VPS13B: variants seen among roughly 807,000 people sequenced by gnomAD.
The protein encoded by VPS13B is vacuolar protein sorting 13 homolog B.
A neutral mutation model predicts 426.4 loss-of-function variants in VPS13B; 285 were observed. That is an observed-to-expected ratio of 0.67 (90% CI 0.61 to 0.74). The LOEUF (loss-of-function observed/expected upper bound fraction) is 0.74. VPS13B is among the 30% of genes least tolerant of loss of function. VPS13B has a pLI of 0.00. For missense variants in VPS13B, 4,537 were observed against 4,782.6 expected (o/e 0.95, Z 1.51); for synonymous variants, 1,676 against 1,676.4 (o/e 1.00, Z 0.01).
At chr8:99,814,788 G>A (rs1813924797) in intron 44 of VPS13B, among the ~76,000 whole-genome samples, 2 of 152,182 alleles carry the variant, frequency 1.3e-5, no homozygotes, top group South Asian at 4.1e-4. Context: ...GAGGAAAGGA[G>A]AGAACAGCTA....
chr8:99,380,752 A>G (rs1813750282), intron 19 of VPS13B, among the ~76,000 whole-genome samples: 4 of 151,952 alleles, frequency 2.6e-5, no homozygotes, highest in Admixed American at 6.6e-5. Flanking sequence ...AATTTTCCCA[A>G]TTTAAATAAT....
intron 26 of VPS13B, 94 bp from the exon 27 acceptor site, chr8:99,502,742 C>A (rs1232174849): frequency 6.3e-6 from 6 of 954,366 alleles, no homozygotes; most frequent in Non-Finnish European, 1.0e-5. Context: ...CTGTACATAT[C>A]CAGCATGCAT....
chr8:99,488,392 GT>G (rs1025218117), intron 25 of VPS13B, among the ~76,000 whole-genome samples: 54 of 149,404 alleles, frequency 3.6e-4, no homozygotes, highest in East Asian at 5.9e-4. Context: ...TAAGGTGTAT[GT>G]TTTTTTTTTC....
chr8:99,355,778 T>C (rs896703943), intron 19 of VPS13B, among the ~76,000 whole-genome samples: 4 of 152,214 alleles, frequency 2.6e-5, no homozygotes, highest in African/African-American at 9.6e-5. Context: ...ATCAGTTTCA[T>C]AGGCATTTGT....
intron 36 of VPS13B, among the ~76,000 whole-genome samples, chr8:99,715,550 G>A (rs1832882155): frequency 6.6e-6 from 1 of 152,188 alleles, no homozygotes; most frequent in African/African-American, 2.4e-5. Context: ...TGCCTAAAGA[G>A]ATAATAATAA....
chr8:99,029,645 G>A (rs1419659169), intron 2 of VPS13B, among the ~76,000 whole-genome samples: 6 of 151,816 alleles, frequency 4.0e-5, no homozygotes, highest in Admixed American at 6.5e-5. Context: ...GTGTGGCGGC[G>A]CGCGCCTGCA....
chr8:99,624,032 T>TTTTC (rs1828491287), intron 33 of VPS13B, among the ~76,000 whole-genome samples: 1 of 120,200 alleles, frequency 8.3e-6, no homozygotes, highest in Non-Finnish European at 1.8e-5. Context: ...TTTTTTTTTT[T>TTTTC]CTGTGTGAAC....
chr8:99,520,988 G>T lies in VPS13B; in HGVS notation c.4723G>T (p.Val1575Phe). 6.2e-7 allele frequency: 1 copy of T among 1,613,636 alleles called. No individual in the cohort carries two copies. Among genetic ancestry groups the T allele is most frequent in the Non-Finnish European group, 8.5e-7 (1 of 1,179,632 alleles). The change falls in exon 30 of 62, where the codon GTC becomes TTC. Residue 1575 changes from valine to phenylalanine, a missense_variant. Val to Phe is a conservative substitution (Grantham distance 50). Coordinates refer to ENST00000357162, the MANE Select transcript of VPS13B (RefSeq NM_152564.5). Reference sequence around the variant, plus strand: ...GGCTGACAATCCCCTTGGCAGATCTGTCCTTAGGAAAGATATTTACCAGTA... The same window carrying T: ...GGCTGACAATCCCCTTGGCAGATCTTTCCTTAGGAAAGATATTTACCAGTA... Reference protein sequence around the residue: ...PQADNPLGRSVLRKDIYQRAL... With the variant: ...PQADNPLGRSFLRKDIYQRAL...
chr8:99,829,803 T>C (rs1814940900), intron 51 of VPS13B, among the ~76,000 whole-genome samples: 1 of 152,336 alleles, frequency 6.6e-6, no homozygotes, highest in Admixed American at 6.5e-5. Flanking sequence ...TTTTTGTTGA[T>C]GTTGATGCTA....
At chr8:99,128,618 A>G (rs2132538198) in intron 8 of VPS13B, among the ~76,000 whole-genome samples, 1 of 151,652 alleles carries the variant, frequency 6.6e-6, no homozygotes, top group Middle Eastern at 3.4e-3. Context: ...TTGTGGGTTT[A>G]TTATTTCATG....
intron 3 of VPS13B, among the ~76,000 whole-genome samples, chr8:99,047,040 A>G (rs1222235538): frequency 6.6e-6 from 1 of 152,148 alleles, no homozygotes; most frequent in Non-Finnish European, 1.5e-5. Context: ...TATCGGTTTC[A>G]TAGAATGATT....
At chr8:99,834,212 T>A (rs890053504) in intron 52 of VPS13B, among the ~76,000 whole-genome samples, 1 of 152,250 alleles carries the variant, frequency 6.6e-6, no homozygotes, top group Admixed American at 6.5e-5. Flanking sequence ...TTTCTTTGAT[T>A]AATTTTGGCA....
chr8:99,359,566 A>G (rs958947030), intron 19 of VPS13B, among the ~76,000 whole-genome samples: 3 of 152,212 alleles, frequency 2.0e-5, no homozygotes, highest in Non-Finnish European at 2.9e-5. Flanking sequence ...CATGTAATTA[A>G]AAAAGGTACA....
intron 3 of VPS13B, among the ~76,000 whole-genome samples, chr8:99,052,892 T>A (rs1843635650): frequency 6.6e-6 from 1 of 152,186 alleles, no homozygotes; most frequent in Admixed American, 6.5e-5. Context: ...CTTTATCATA[T>A]TTTATTGCGT....
At chr8:99,579,699 T>G (rs1825958001) in intron 33 of VPS13B, among the ~76,000 whole-genome samples, 1 of 144,870 alleles carries the variant, frequency 6.9e-6, no homozygotes, top group African/African-American at 2.6e-5. Context: ...CGCCTGGCCT[T>G]TCTTTCTTTC....
intron 19 of VPS13B, among the ~76,000 whole-genome samples, chr8:99,308,429 G>T (rs1820758317): frequency 6.6e-6 from 1 of 152,090 alleles, no homozygotes; most frequent in South Asian, 2.1e-4. Flanking sequence ...AACATGCGGT[G>T]TTTGGTTTTT....
chr8:99,821,201 A>AT (rs2130821590), intron 49 of VPS13B, 93 bp from the exon 50 acceptor site: 2 of 1,251,354 alleles, frequency 1.6e-6, no homozygotes, highest in African/African-American at 3.0e-5. Flanking sequence ...TAGTAGACCT[A>AT]TTATATAATA....
At chr8:99,410,410 T>C (rs1815569694) in intron 21 of VPS13B, among the ~76,000 whole-genome samples, 1 of 152,114 alleles carries the variant, frequency 6.6e-6, no homozygotes, top group Admixed American at 6.6e-5. Context: ...ATCTTCTTTC[T>C]GTCTGCTAGT....
In VPS13B at chr8:99,143,099, A is replaced by T. The variant is rs778231844; in HGVS notation, c.1777A>T (p.Arg593Trp). The T allele has an allele frequency of 1.9e-6, 3 of 1,614,044 alleles. No homozygotes were observed. Among genetic ancestry groups the T allele is most frequent in the Non-Finnish European group, 2.5e-6 (3 of 1,179,954 alleles). ...TCGTTTGGATAGCAGTGCGGTGCATAGGATTTTGAAAATGATTGTGTGTGC... is the reference window on the plus strand; with the variant it reads ...TCGTTTGGATAGCAGTGCGGTGCATTGGATTTTGAAAATGATTGTGTGTGC... ...DFRLDSSAVH[R>W]ILKMIVCALE... The change falls in exon 13 of 62, where the codon AGG (arginine) becomes TGG (tryptophan). Residue 593 changes from arginine (R) to tryptophan (W), a missense_variant. Physicochemically the swap from Arg to Trp is moderately radical, Grantham distance 101 (BLOSUM62 -3). Coordinates refer to ENST00000357162, the MANE Select transcript of VPS13B (RefSeq NM_152564.5).
Sources: allele counts gnomAD v4.1 joint callset (sites outside exome capture counted in the v4.1 genomes callset), GRCh38; gene constraint gnomAD v4.1.1; transcripts MANE v1.5; gene names NCBI Gene and HGNC (gene_info 2026-07-23, HGNC 2026-07-21).